SNTB2: variants seen among roughly 807,000 people sequenced by gnomAD.
SNTB2 encodes the protein beta-2-syntrophin.
In SNTB2, 34 loss-of-function variants were observed where a neutral mutation model predicts 46.2. The ratio of observed to expected loss-of-function variants is 0.74; its 90% CI spans 0.56 to 0.98. The LOEUF is 0.98. SNTB2 is among the 50% of genes least tolerant of loss of function. The pLI is 0.00. For missense variants in SNTB2, 603 were observed against 731.4 expected (o/e 0.82, Z 2.02); for synonymous variants, 290 against 312.6 (o/e 0.93, Z 0.76).
intron 4 of SNTB2, among the ~76,000 whole-genome samples, chr16:69,274,352 A>G (rs573303190): frequency 4.4e-4 from 64 of 146,604 alleles, no homozygotes; most frequent in Non-Finnish European, 7.0e-4. Context: ...TAATTTGGTC[A>G]TTGTTAAAAG....
In SNTB2 at chr16:69,260,255, G is replaced by T; in HGVS notation, c.1000G>T (p.Glu334Ter). 1 of 1,614,052 alleles carries T rather than the reference G, an allele frequency of 6.2e-7. No individual in the cohort carries two copies. The highest frequency in any genetic ancestry group is 1.1e-5 in the South Asian group (1 of 91,072). ...GGTGAAGCATATTGCCTGGCTGGCA[G>T]AACAGGTAGGCTGGGAGGCAGGGCA... ...KEVKHIAWLAEQAKLDGGRQQ... is the reference protein window; with the variant it reads ...KEVKHIAWLA The change falls in exon 3 of 7, where the codon GAA (glutamate) becomes TAA (stop). Residue 334 changes from glutamate (E) to a stop codon, truncating the protein, a stop_gained. Transcript: ENST00000336278. LOFTEE classifies it high-confidence loss of function.
intron 4 of SNTB2, among the ~76,000 whole-genome samples, chr16:69,282,494 A>G (rs1012531706): frequency 6.6e-6 from 1 of 152,062 alleles, no homozygotes; most frequent in Non-Finnish European, 1.5e-5. Context: ...CTGTAGCTTT[A>G]TAGTAAGTGA....
At chr16:69,188,816 T>G (rs1204124581) in intron 1 of SNTB2, among the ~76,000 whole-genome samples, 1 of 152,228 alleles carries the variant, frequency 6.6e-6, no homozygotes, top group East Asian at 1.9e-4. Context: ...AGTTGGTGAT[T>G]ACGTCGTGAA....
chr16:69,272,121 G>A (rs933357170), intron 4 of SNTB2, among the ~76,000 whole-genome samples: 2 of 152,074 alleles, frequency 1.3e-5, no homozygotes, highest in Non-Finnish European at 1.5e-5. Flanking sequence ...TAGATAAATT[G>A]GACTTTCAGA....
At chr16:69,238,029 A>G (rs919493939) in intron 1 of SNTB2, among the ~76,000 whole-genome samples, 2 of 152,104 alleles carry the variant, frequency 1.3e-5, no homozygotes, top group African/African-American at 4.8e-5. Context: ...TTGTGCTGGA[A>G]GTCTTCCATT....
rs1567416406 is a variant in SNTB2, at chr16:69,292,391, TATATATATATATATA to T, written c.1346-7198_1346-7184del. ...ATATATATATATATTATATATATAT[TATATATATATATATA>T]TTATATATATATTATATATATATAT... On this transcript the variant is annotated intron_variant, in intron 5 of 6. Transcript: ENST00000336278. 2.0e-3 allele frequency among the ~76,000 whole-genome samples: 20 copies of T among 10,048 alleles called. 5 individuals carry two copies. The South Asian group carries it at 0.026, about 13-fold the overall frequency. 6.6% of individuals were successfully genotyped at this position (10,048 alleles called of 152,430 possible). A position where few individuals can be genotyped will look rare whatever the true frequency, so the allele number is the denominator to read the frequency against.
intron 5 of SNTB2, 79 bp from the exon 6 acceptor site, chr16:69,299,511 T>G: frequency 7.3e-7 from 1 of 1,373,646 alleles, no homozygotes; most frequent in Non-Finnish European, 1.0e-6. Context: ...TTTCCTATTT[T>G]GAAGTCAGAA....
At chr16:69,204,870 G>A (rs1461231088) in intron 1 of SNTB2, among the ~76,000 whole-genome samples, 2 of 152,140 alleles carry the variant, frequency 1.3e-5, no homozygotes, top group Non-Finnish European at 1.5e-5. Context: ...TTAACCACTG[G>A]TGAATGCACT....
At chr16:69,245,115 G>A (rs889179119) in intron 1 of SNTB2, among the ~76,000 whole-genome samples, 1 of 152,222 alleles carries the variant, frequency 6.6e-6, no homozygotes, top group Non-Finnish European at 1.5e-5. Context: ...ATCATCTAAA[G>A]CCTAGATGGG....
intron 1 of SNTB2, among the ~76,000 whole-genome samples, chr16:69,191,653 G>GT (rs1236267577): frequency 6.9e-6 from 1 of 144,034 alleles, no homozygotes; most frequent in East Asian, 2.1e-4. Context: ...ATTTTGTTTT[G>GT]TTTTTGAGAC....
chr16:69,260,396 GTT>G (rs1381993070), intron 3 of SNTB2, 136 bp downstream of exon 3: 2 of 799,934 alleles, frequency 2.5e-6, no homozygotes, highest in African/African-American at 3.5e-5. Context: ...GTTTTTCAGT[GTT>G]TTGTTTCACC....
At chr16:69,269,852 C>T (rs1188281317) in intron 3 of SNTB2, among the ~76,000 whole-genome samples, 1 of 151,784 alleles carries the variant, frequency 6.6e-6, no homozygotes, top group Admixed American at 6.6e-5. Context: ...CAAGTGAGAC[C>T]CTATCTCAAA....
chr16:69,221,763 A>T (rs963331429), intron 1 of SNTB2, among the ~76,000 whole-genome samples: 7 of 152,204 alleles, frequency 4.6e-5, no homozygotes, highest in African/African-American at 1.7e-4. Context: ...ATGACAGAAT[A>T]AGACTCTCTC....
intron 4 of SNTB2, among the ~76,000 whole-genome samples, chr16:69,282,541 C>G (rs1180826573): frequency 6.6e-6 from 1 of 152,074 alleles, no homozygotes; most frequent in Non-Finnish European, 1.5e-5. Context: ...TTATTTTCAA[C>G]TTTTGTTCTT....
intron 1 of SNTB2, among the ~76,000 whole-genome samples, chr16:69,243,110 A>C (rs994698928): frequency 2.6e-5 from 4 of 152,030 alleles, no homozygotes; most frequent in African/African-American, 9.7e-5. Flanking sequence ...TGTAAACATC[A>C]GTGTTTAATT....
intron 5 of SNTB2, among the ~76,000 whole-genome samples, chr16:69,292,341 T>C (rs1355639297): frequency 1.8e-5 from 2 of 111,848 alleles, no homozygotes; most frequent in South Asian, 2.5e-4. Context: ...TTTACCATTG[T>C]TCACCTTATT....
At chr16:69,282,201 C>T (rs1436280213) in intron 4 of SNTB2, among the ~76,000 whole-genome samples, 1 of 150,082 alleles carries the variant, frequency 6.7e-6, no homozygotes, top group East Asian at 2.1e-4. Flanking sequence ...TGGCTCATGC[C>T]TGTAATTCCA....
At chr16:69,286,500 G>A (rs7189039) in intron 5 of SNTB2, among the ~76,000 whole-genome samples, 50,693 of 151,772 alleles carry the variant, frequency 0.33, 9,054 homozygotes, top group African/African-American at 0.45. Flanking sequence ...CCTGGGTAAA[G>A]TGGTGAAACC....
intron 4 of SNTB2, among the ~76,000 whole-genome samples, chr16:69,274,416 G>T (rs953885706): frequency 6.6e-6 from 1 of 152,072 alleles, no homozygotes; most frequent in African/African-American, 2.4e-5. Flanking sequence ...CACTTTGGGA[G>T]GCCACGGCGG....
Sources: gnomAD v4.1 joint callset for allele counts (sites outside exome capture counted in the v4.1 genomes callset) on GRCh38, gnomAD v4.1.1 for gene constraint, MANE v1.5 for transcripts, NCBI Gene and HGNC (gene_info 2026-07-23, HGNC 2026-07-21) for gene names.